Variants in GSK3B observed in about 807,000 individuals in gnomAD.
The protein encoded by GSK3B is glycogen synthase kinase-3 beta.
A neutral mutation model predicts 56.4 loss-of-function variants in GSK3B; 15 were observed. That is an observed-to-expected ratio of 0.27 (90% CI 0.18 to 0.41). GSK3B has a LOEUF of 0.41. GSK3B is among the 10% of genes least tolerant of loss of function. GSK3B has a pLI of 1.00. For missense variants in GSK3B, 300 were observed against 513.4 expected, an observed-to-expected ratio of 0.58 and a Z score of 4.02; for synonymous variants, 181 against 188.9, an observed-to-expected ratio of 0.96 and a Z score of 0.34.
chr3:119,975,555 G>A (rs781151904), intron 2 of GSK3B, among the ~76,000 whole-genome samples: 1 of 152,072 alleles, frequency 6.6e-6, no homozygotes, highest in Non-Finnish European at 1.5e-5. Context: ...ATGATTCCAA[G>A]AAAAGGCAAA....
chr3:119,974,913 G>C (rs1283733618), intron 2 of GSK3B, among the ~76,000 whole-genome samples: 3 of 152,190 alleles, frequency 2.0e-5, no homozygotes, highest in Non-Finnish European at 4.4e-5. Flanking sequence ...CACTTTAGAA[G>C]ACAGGTTAGC....
At chr3:119,866,675 C>A (rs200018188) in intron 8 of GSK3B, 1 of 1,307,824 alleles carries the variant, frequency 7.6e-7, no homozygotes, top group Non-Finnish European at 1.1e-6. Flanking sequence ...GGAAGTCAAT[C>A]CAAAAGAGAA....
chr3:119,981,320 A>G (rs1490781231), intron 2 of GSK3B, among the ~76,000 whole-genome samples: 1 of 152,206 alleles, frequency 6.6e-6, no homozygotes, highest in African/African-American at 2.4e-5. Context: ...CAACTGAGGT[A>G]CCTGGTTCAT....
At chr3:119,844,153 C>T (rs1465045508) in intron 9 of GSK3B, among the ~76,000 whole-genome samples, 1 of 152,152 alleles carries the variant, frequency 6.6e-6, no homozygotes, top group Admixed American at 6.5e-5. Flanking sequence ...ATACCAGAAT[C>T]TCTGGGACAC....
rs2055525732 is a variant in GSK3B, at chr3:119,827,253, TTAAG to T, written c.1196-402_1196-399del. Among the ~76,000 whole-genome samples the T allele has an allele frequency of 3.9e-5, 6 of 152,256 alleles. No individual in the cohort carries two copies. In the South Asian group the frequency reaches 1.2e-3, roughly 32 times the overall value. ...AACCATGTTACAATATGCCATCTGC[TTAAG>T]TAAGTAAATAGGTGGAGGCAATGAA... On this transcript the variant is annotated intron_variant, in intron 10 of 10. Coordinates refer to ENST00000264235, the MANE Select transcript of GSK3B (RefSeq NM_001146156.2).
At chr3:120,075,748 A>G (rs2058362562) in intron 1 of GSK3B, among the ~76,000 whole-genome samples, 1 of 152,210 alleles carries the variant, frequency 6.6e-6, no homozygotes, top group South Asian at 2.1e-4. Context: ...AAATAAATGG[A>G]AAGAATTCCA....
At chr3:119,970,461 G>A (rs1271844392) in intron 2 of GSK3B, among the ~76,000 whole-genome samples, 4 of 151,954 alleles carry the variant, frequency 2.6e-5, no homozygotes, top group African/African-American at 7.2e-5. Context: ...GGGATACCCT[G>A]CTGGTGAGAA....
intron 2 of GSK3B, among the ~76,000 whole-genome samples, chr3:119,979,134 T>C (rs1317442648): frequency 6.6e-6 from 1 of 152,184 alleles, no homozygotes; most frequent in African/African-American, 2.4e-5. Context: ...CATTAGATAA[T>C]GGCAGCCCAT....
At chr3:119,884,845 A>G (rs2056417227) in intron 7 of GSK3B, among the ~76,000 whole-genome samples, 1 of 152,020 alleles carries the variant, frequency 6.6e-6, no homozygotes, top group Non-Finnish European at 1.5e-5. Context: ...ATCTACCCCT[A>G]TCATGGTAAT....
chr3:119,903,205 AT>A (rs1411834869), intron 7 of GSK3B, among the ~76,000 whole-genome samples: 1 of 152,160 alleles, frequency 6.6e-6, no homozygotes, highest in African/African-American at 2.4e-5. Flanking sequence ...ACTACTGGTA[AT>A]TCCATCTATC....
chr3:120,024,286 T>C (rs1406932484), intron 1 of GSK3B, among the ~76,000 whole-genome samples: 1 of 152,072 alleles, frequency 6.6e-6, no homozygotes, highest in African/African-American at 2.4e-5. Context: ...CAGTGAGCCA[T>C]GTATGCTCTC....
chr3:119,942,562 G>A (rs538281033), intron 3 of GSK3B, among the ~76,000 whole-genome samples: 4 of 152,214 alleles, frequency 2.6e-5, no homozygotes, highest in Non-Finnish European at 4.4e-5. Context: ...GATTACAGGC[G>A]TGAGCCACCA....
At chr3:119,976,666 A>G (rs891259424) in intron 2 of GSK3B, among the ~76,000 whole-genome samples, 1 of 151,980 alleles carries the variant, frequency 6.6e-6, no homozygotes, top group Admixed American at 6.6e-5. Context: ...TACTAAAACC[A>G]ATGAGTTATA....
intron 1 of GSK3B, among the ~76,000 whole-genome samples, chr3:120,082,288 T>C (rs1419715669): frequency 1.3e-5 from 2 of 151,038 alleles, no homozygotes; most frequent in African/African-American, 4.9e-5. Context: ...ATATAATTCC[T>C]GGACAAAATT....
At chr3:119,867,366 T>C (rs2056197347) in intron 8 of GSK3B, among the ~76,000 whole-genome samples, 1 of 152,218 alleles carries the variant, frequency 6.6e-6, no homozygotes, top group Non-Finnish European at 1.5e-5. Context: ...GGGTATTAAC[T>C]TACTTTTTCT....
At chr3:119,996,101 A>G (rs548849693) in intron 2 of GSK3B, among the ~76,000 whole-genome samples, 93 of 152,366 alleles carry the variant, frequency 6.1e-4, no homozygotes, top group South Asian at 1.7e-3. Context: ...ATATGAAACT[A>G]ATTTTTAAAC....
At chr3:120,052,939 G>A (rs958311402) in intron 1 of GSK3B, among the ~76,000 whole-genome samples, 7 of 152,190 alleles carry the variant, frequency 4.6e-5, no homozygotes, top group African/African-American at 1.7e-4. Flanking sequence ...TCTTAGGTAA[G>A]TCATTTGTTC....
In GSK3B at chr3:119,826,350, A is replaced by G. The variant is rs1487662636; in HGVS notation, c.*438T>C. 2 of 386,062 alleles carry G rather than the reference A, an allele frequency of 5.2e-6. No individual in the cohort carries two copies. The highest frequency in any genetic ancestry group is 4.6e-5 in the East Asian group (1 of 21,910). The allele number at this position is 386,062 out of a possible 1,614,324, so 23.9% of individuals were successfully genotyped here. A position where few individuals can be genotyped will look rare whatever the true frequency, so the allele number is the denominator to read the frequency against. On this transcript the variant is annotated 3_prime_UTR_variant, in exon 11 of 11. Transcript: ENST00000264235. ...GCTCCCAACCAATTTCAAGCTGTGC[A>G]CTATACCAAAGTCTCACACTAGACT...
intron 9 of GSK3B, among the ~76,000 whole-genome samples, chr3:119,856,932 C>A (rs182609013): frequency 6.6e-6 from 1 of 152,238 alleles, no homozygotes; most frequent in Non-Finnish European, 1.5e-5. Context: ...CAGTTTTAGA[C>A]CACTACAATA....
Sources: gnomAD v4.1 joint callset for allele counts (sites outside exome capture counted in the v4.1 genomes callset) on GRCh38, gnomAD v4.1.1 for gene constraint, MANE v1.5 for transcripts, NCBI Gene and HGNC (gene_info 2026-07-23, HGNC 2026-07-21) for gene names.